Variants in PCDH15 observed in about 807,000 individuals in gnomAD.
PCDH15 encodes protocadherin-15.
In PCDH15, 129 loss-of-function variants were observed where a neutral mutation model predicts 178.5. The observed-to-expected ratio is 0.72, with a 90% confidence interval of 0.63 to 0.84. PCDH15 has a LOEUF of 0.84. Among genes scored for constraint, PCDH15 ranks in the 40% least tolerant of loss-of-function variants. The pLI is 0.00. For missense variants in PCDH15, 2,230 were observed against 2,099.9 expected (o/e 1.06, Z -1.21); for synonymous variants, 800 against 732.0 (o/e 1.09, Z -1.50).
intron 26 of PCDH15, among the ~76,000 whole-genome samples, chr10:53,899,369 A>G (rs1477589645): frequency 3.3e-5 from 5 of 152,148 alleles, no homozygotes; most frequent in Admixed American, 6.6e-5. Context: ...CACTTCAACA[A>G]TGTTTTTATT....
intron 2 of PCDH15, among the ~76,000 whole-genome samples, chr10:54,949,596 G>C (rs1838281674): frequency 6.6e-6 from 1 of 151,940 alleles, no homozygotes; most frequent in Admixed American, 6.6e-5. Context: ...GCATAGTCAA[G>C]ATGCAAATTT....
chr10:54,304,903 A>G (rs2060372244), intron 8 of PCDH15, among the ~76,000 whole-genome samples: 1 of 152,008 alleles, frequency 6.6e-6, no homozygotes, highest in Admixed American at 6.6e-5. Flanking sequence ...ATGTTAGTAA[A>G]CAAAGTGAAA....
At chr10:55,583,511 G>A (rs1842664589) in intron 2 of PCDH15, among the ~76,000 whole-genome samples, 1 of 152,068 alleles carries the variant, frequency 6.6e-6, no homozygotes, top group African/African-American at 2.4e-5. Context: ...TCAGCTTACT[G>A]CAACCTCTGC....
intron 13 of PCDH15, among the ~76,000 whole-genome samples, chr10:54,164,125 G>T (rs548193673): frequency 2.0e-5 from 3 of 152,288 alleles, no homozygotes; most frequent in South Asian, 4.1e-4. Context: ...ATTCCTAGGG[G>T]ATGGTTTATA....
chr10:54,300,579 T>TTCCTA (rs1391259514), intron 8 of PCDH15, among the ~76,000 whole-genome samples: 2 of 152,090 alleles, frequency 1.3e-5, no homozygotes, highest in African/African-American at 4.8e-5. Flanking sequence ...CATCGCCCAA[T>TTCCTA]TCCTAACAGA....
At chr10:54,887,170 G>C (rs16906649) in intron 3 of PCDH15, among the ~76,000 whole-genome samples, 3,352 of 152,244 alleles carry the variant, frequency 0.022, 140 homozygotes, top group African/African-American at 0.075. Flanking sequence ...CTTCTGGATT[G>C]AATCCAATTC....
chr10:55,033,281 C>A (rs1041976838), intron 2 of PCDH15, among the ~76,000 whole-genome samples: 2 of 152,042 alleles, frequency 1.3e-5, no homozygotes, highest in Non-Finnish European at 2.9e-5. Flanking sequence ...CAGGGCCGCT[C>A]GAGAGGCCAA....
intron 2 of PCDH15, among the ~76,000 whole-genome samples, chr10:54,980,142 A>G (rs1009551863): frequency 1.3e-5 from 2 of 152,190 alleles, no homozygotes; most frequent in African/African-American, 4.8e-5. Context: ...CTTGGAGATG[A>G]CCTTGAGCAG....
At chr10:54,178,440 G>A (rs1484408901) in intron 13 of PCDH15, among the ~76,000 whole-genome samples, 1 of 152,038 alleles carries the variant, frequency 6.6e-6, no homozygotes, top group Non-Finnish European at 1.5e-5. Context: ...AGAACCTGGG[G>A]ATGTTAATAA....
chr10:55,528,181 C>T (rs1044381541), intron 2 of PCDH15, among the ~76,000 whole-genome samples: 2 of 151,914 alleles, frequency 1.3e-5, no homozygotes, highest in Non-Finnish European at 2.9e-5. Flanking sequence ...GGACTACAGG[C>T]ATGTGCCATC....
chr10:54,004,596 C>G lies in PCDH15; in HGVS notation c.2752-8831G>C, dbSNP rs11003991. ...TAAAATAAAATACCTAGGAATTAACCAAGGAAGTGAAAGTTCTCTGCAATG... is the reference window on the plus strand; with the variant it reads ...TAAAATAAAATACCTAGGAATTAACGAAGGAAGTGAAAGTTCTCTGCAATG... On this transcript the variant is annotated intron_variant, in intron 20 of 37. Transcript: ENST00000644397. Among the ~76,000 whole-genome samples the G allele has an allele frequency of 3.8e-3, 581 of 151,732 alleles. 2 individuals are homozygous for G. The highest frequency in any genetic ancestry group is 0.014 in the African/African-American group (572 of 41,418).
intron 8 of PCDH15, among the ~76,000 whole-genome samples, chr10:54,295,359 G>T (rs972753432): frequency 6.6e-6 from 1 of 152,166 alleles, no homozygotes; most frequent in South Asian, 2.1e-4. Context: ...GGATGTGGGC[G>T]GGGCCAAATA....
At chr10:55,288,176 A>G (rs1297807291) in intron 1 of PCDH15, among the ~76,000 whole-genome samples, 1 of 150,882 alleles carries the variant, frequency 6.6e-6, no homozygotes, top group Non-Finnish European at 1.5e-5. Context: ...TCATATGCCC[A>G]GGTATAGAGT....
intron 2 of PCDH15, among the ~76,000 whole-genome samples, chr10:55,125,689 C>A (rs539000955): frequency 3.9e-5 from 6 of 152,222 alleles, no homozygotes; most frequent in South Asian, 4.1e-4. Context: ...ACCAATGTCA[C>A]CATATCCTAG....
At chr10:54,695,208 A>C (rs530049014) in intron 1 of PCDH15, among the ~76,000 whole-genome samples, 3 of 152,276 alleles carry the variant, frequency 2.0e-5, no homozygotes, top group Non-Finnish European at 2.9e-5. Flanking sequence ...TAAAACTTAA[A>C]GTATAAACAA....
At chr10:54,485,449 T>A (rs553083643) in intron 3 of PCDH15, among the ~76,000 whole-genome samples, 2 of 152,118 alleles carry the variant, frequency 1.3e-5, no homozygotes, top group Admixed American at 6.6e-5. Flanking sequence ...TATTTAATAT[T>A]TAGGATACAA....
chr10:53,990,510 T>TTA (rs371983214), intron 21 of PCDH15, among the ~76,000 whole-genome samples: 88 of 137,160 alleles, frequency 6.4e-4, no homozygotes, highest in East Asian at 3.4e-3. Context: ...TATATATATG[T>TTA]TATATATATA....
chr10:54,882,875 G>A (rs572610604), intron 3 of PCDH15, among the ~76,000 whole-genome samples: 21 of 151,912 alleles, frequency 1.4e-4, no homozygotes, highest in Admixed American at 5.9e-4. Context: ...ATGTACTGTC[G>A]CCATAGCCAT....
chr10:55,299,731 A>G (rs942025684), intron 1 of PCDH15, among the ~76,000 whole-genome samples: 5 of 152,208 alleles, frequency 3.3e-5, no homozygotes, highest in South Asian at 2.1e-4. Context: ...CCAACCTCCA[A>G]TAAAATATGA....
Sources: gnomAD v4.1 joint callset for allele counts (sites outside exome capture counted in the v4.1 genomes callset) on GRCh38, gnomAD v4.1.1 for gene constraint, MANE v1.5 for transcripts, NCBI Gene and HGNC (gene_info 2026-07-23, HGNC 2026-07-21) for gene names.